Variants in RTN4 observed in about 807,000 individuals in gnomAD.
RTN4 encodes the protein reticulon 4, also known as reticulon-4.
In RTN4, 32 loss-of-function variants were observed where a neutral mutation model predicts 90.4. The ratio of observed to expected loss-of-function variants is 0.35; its 90% CI spans 0.27 to 0.48. The LOEUF is 0.48. RTN4 is among the 20% of genes least tolerant of loss of function. The pLI is 0.99. For missense variants in RTN4, 1,706 were observed against 1,430.2 expected, an observed-to-expected ratio of 1.19 and a Z score of -3.11; for synonymous variants, 629 against 552.5, an observed-to-expected ratio of 1.14 and a Z score of -1.94.
intron 2 of RTN4, 101 bp from the exon 3 acceptor site, chr2:55,027,586 G>T: frequency 8.4e-7 from 1 of 1,183,504 alleles, no homozygotes; most frequent in Non-Finnish European, 1.2e-6. Context: ...AAGACTTACT[G>T]TTTACTAAAA....
chr2:55,071,087 CTT>C (rs796664281), intron 2 of RTN4, among the ~76,000 whole-genome samples: 16 of 139,350 alleles, frequency 1.1e-4, no homozygotes, highest in Non-Finnish European at 6.3e-5. Context: ...TTTTTTTCTT[CTT>C]TTTTTTTTTT....
intron 5 of RTN4, among the ~76,000 whole-genome samples, chr2:54,975,044 TC>T (rs1677509013): frequency 6.6e-6 from 1 of 152,202 alleles, no homozygotes; most frequent in African/African-American, 2.4e-5. Context: ...ATCTTACCCC[TC>T]CAGCCCTAAC....
At chr2:55,043,627 T>C (rs561241931) in intron 1 of RTN4, among the ~76,000 whole-genome samples, 20 of 152,264 alleles carry the variant, frequency 1.3e-4, no homozygotes, top group Admixed American at 2.6e-4. Flanking sequence ...GGCTCACACC[T>C]GTAATCCCAG....
At chr2:55,085,171 C>T (rs902447487) in intron 1 of RTN4, among the ~76,000 whole-genome samples, 1 of 152,120 alleles carries the variant, frequency 6.6e-6, no homozygotes, top group Admixed American at 6.5e-5. Context: ...TAGGGTTCTC[C>T]AGAGAAATAG....
chr2:55,026,266 C>T lies in RTN4; in HGVS notation c.1833G>A (p.Leu611=), dbSNP rs1482309554. ...ATGGTGCTTCCATAACAATGTCAGG[C>T]AAAACTGGTGAAGGAGTAGCTTCTG... The part of the protein sequence containing the change: ...EESEATPSPV[L]PDIVMEAPLN... The change falls in exon 3 of 9, where the codon TTG becomes TTA. Residue 611 remains leucine (L), a synonymous_variant. Coordinates refer to ENST00000337526, the MANE Select transcript of RTN4 (RefSeq NM_020532.5). 6.2e-7 allele frequency: 1 copy of T among 1,613,876 alleles called. No individual in the cohort carries two copies. The highest frequency in any genetic ancestry group is 8.5e-7 in the Non-Finnish European group (1 of 1,179,902).
At chr2:55,065,053 A>G (rs1163349705) in intron 2 of RTN4, among the ~76,000 whole-genome samples, 1 of 152,244 alleles carries the variant, frequency 6.6e-6, no homozygotes, top group Non-Finnish European at 1.5e-5. Context: ...AATGCAAGCA[A>G]AATTACAGAG....
intron 2 of RTN4, among the ~76,000 whole-genome samples, chr2:55,065,948 A>G (rs17046643): frequency 0.063 from 9,531 of 152,300 alleles, 485 homozygotes; most frequent in South Asian, 0.19. Context: ...AAACATGTAT[A>G]TACGCATATG....
chr2:54,977,372 T>G (rs1677719577), intron 5 of RTN4, among the ~76,000 whole-genome samples: 1 of 151,324 alleles, frequency 6.6e-6, no homozygotes, highest in African/African-American at 2.4e-5. Flanking sequence ...GATTTTAGTG[T>G]TCTTCTGGGT....
intron 2 of RTN4, among the ~76,000 whole-genome samples, chr2:55,066,005 C>T (rs575372508): frequency 8.5e-5 from 13 of 152,252 alleles, no homozygotes; most frequent in African/African-American, 2.9e-4. Flanking sequence ...GGATGTCATG[C>T]TTCAATAATT....
intron 1 of RTN4, among the ~76,000 whole-genome samples, chr2:55,107,653 G>C (rs1208398690): frequency 1.3e-5 from 2 of 152,056 alleles, no homozygotes; most frequent in African/African-American, 4.8e-5. Flanking sequence ...ACACAAAAGT[G>C]AGCAGAGATG....
chr2:55,129,243 C>A, the RTN4 span, among the ~76,000 whole-genome samples: 3 of 151,736 alleles, frequency 2.0e-5, no homozygotes, highest in Non-Finnish European at 4.4e-5. Flanking sequence ...CATATAAATA[C>A]ACTTAAATAC....
chr2:54,992,523 C>T lies in RTN4; in HGVS notation c.3014-4825G>A, dbSNP rs181393732. Among the ~76,000 whole-genome samples, 1,097 of 151,910 alleles carry T rather than the reference C, an allele frequency of 7.2e-3. 8 individuals are homozygous for T. The highest frequency in any genetic ancestry group is 0.014 in the Middle Eastern group (4 of 294). ...TTCACCTACTGTTAGACCCAAAAAC[C>T]GAGAACAGGGCTTTACTCCAATATA... On this transcript the variant is annotated intron_variant, in intron 3 of 8. Coordinates refer to ENST00000337526, the MANE Select transcript of RTN4 (RefSeq NM_020532.5).
chr2:55,039,384 C>T (rs568130834), intron 1 of RTN4, among the ~76,000 whole-genome samples: 1 of 152,262 alleles, frequency 6.6e-6, no homozygotes, highest in South Asian at 2.1e-4. Flanking sequence ...GATTAAAAGA[C>T]TAATAAATCA....
chr2:55,106,334 A>T (rs1264197070), intron 1 of RTN4, among the ~76,000 whole-genome samples: 1 of 151,688 alleles, frequency 6.6e-6, no homozygotes, highest in Non-Finnish European at 1.5e-5. Flanking sequence ...CTTTCTCATA[A>T]TATAATCATC....
intron 1 of RTN4, among the ~76,000 whole-genome samples, chr2:55,099,422 T>C (rs1328080571): frequency 6.6e-6 from 1 of 152,110 alleles, no homozygotes; most frequent in East Asian, 1.9e-4. Context: ...CTTTTGAGAA[T>C]GACCCTGTAG....
chr2:55,041,437 T>C (rs531594907), intron 1 of RTN4, among the ~76,000 whole-genome samples: 2 of 152,078 alleles, frequency 1.3e-5, no homozygotes, highest in East Asian at 3.9e-4. Flanking sequence ...ACACATAAGA[T>C]AGCCAAGAAA....
Position 55,025,596 on chromosome 2 carries a change from GCTC to G in RTN4, c.2500_2502del (p.Glu834del), listed in dbSNP as rs1346631677. 5 of 1,613,420 alleles carry G rather than the reference GCTC, an allele frequency of 3.1e-6. No individual in the cohort carries two copies. The highest frequency in any genetic ancestry group is 2.2e-5 in the East Asian group (1 of 44,868). ...TCATTTGAATAAACTGCAGTACTGA[GCTC>G]CTCCATCTGCAAAGGAATTTTCTCC... On this transcript the variant is annotated inframe_deletion, in exon 3 of 9. Coordinates refer to ENST00000337526, the MANE Select transcript of RTN4 (RefSeq NM_020532.5).
At chr2:54,977,022 A>G (rs902976613) in intron 5 of RTN4, among the ~76,000 whole-genome samples, 2 of 152,252 alleles carry the variant, frequency 1.3e-5, no homozygotes, top group African/African-American at 4.8e-5. Flanking sequence ...TAAGAGAATT[A>G]AATTCACTGT....
At chr2:55,100,236 G>A (rs183951811) in intron 1 of RTN4, among the ~76,000 whole-genome samples, 3 of 152,160 alleles carry the variant, frequency 2.0e-5, no homozygotes, top group Non-Finnish European at 2.9e-5. Context: ...ACCCCACTAC[G>A]GAGTTAAGGT....
Sources: gnomAD v4.1 joint callset for allele counts (sites outside exome capture counted in the v4.1 genomes callset) on GRCh38, gnomAD v4.1.1 for gene constraint, MANE v1.5 for transcripts, NCBI Gene and HGNC (gene_info 2026-07-23, HGNC 2026-07-21) for gene names.